Variants in EPB41L1 observed in about 807,000 individuals in gnomAD.
The protein encoded by EPB41L1 is band 4.1-like protein 1.
Under a neutral mutation model 97.8 loss-of-function variants are expected in EPB41L1, and 29 were observed. That is an observed-to-expected ratio of 0.30 (90% CI 0.22 to 0.40). The LOEUF is 0.40. Ranked by LOEUF, EPB41L1 falls within the 10% of genes least tolerant of loss-of-function variation. EPB41L1 has a pLI of 1.00. For missense variants in EPB41L1, 812 were observed against 1,162.3 expected (o/e 0.70, Z 4.38); for synonymous variants, 383 against 459.2 (o/e 0.83, Z 2.12).
rs757167798 is a variant in EPB41L1, at chr20:36,222,351, G to A, written c.2594G>A (p.Arg865Lys). Residue 865 changes from arginine to lysine, a missense_variant, in exon 21 of 22, where the codon AGA (arginine) becomes AAA (lysine). Physicochemically the swap from Arg to Lys is conservative, Grantham distance 26 (BLOSUM62 2). Coordinates refer to ENST00000338074, the MANE Select transcript of EPB41L1 (RefSeq NM_012156.2). ...DMLVTKAVVYRETDPSPEERD... is the reference protein window; with the variant it reads ...DMLVTKAVVYKETDPSPEERD... ...CTGGTAACCAAAGCTGTCGTATACAGAGAAACAGACCCATCCCCAGAGGAG... is the reference window on the plus strand; with the variant it reads ...CTGGTAACCAAAGCTGTCGTATACAAAGAAACAGACCCATCCCCAGAGGAG... 11 of 1,614,154 alleles carry A rather than the reference G, an allele frequency of 6.8e-6. No individual in the cohort carries two copies. Among genetic ancestry groups the A allele is most frequent in the Non-Finnish European group, 9.3e-6 (11 of 1,180,042 alleles).
chr20:36,151,385 T>C (rs2060043120), upstream of EPB41L1: 1 of 152,220 alleles, frequency 6.6e-6, no homozygotes, highest in Non-Finnish European at 1.5e-5. Flanking sequence ...GATTCTCCCA[T>C]TTTATAGGTG....
chr20:36,199,694 G>A (rs1228125378), intron 14 of EPB41L1, among the ~76,000 whole-genome samples: 1 of 152,220 alleles, frequency 6.6e-6, no homozygotes, highest in African/African-American at 2.4e-5. Context: ...GGGTGGCGGA[G>A]GCTGGTCTAG....
chr20:36,204,969 T>G (rs1178605817), intron 14 of EPB41L1, among the ~76,000 whole-genome samples: 1 of 152,238 alleles, frequency 6.6e-6, no homozygotes, highest in African/African-American at 2.4e-5. Context: ...CGATGATGCT[T>G]AGATCTTTAC....
chr20:36,223,892 T>C (rs1382250664), intron 21 of EPB41L1, among the ~76,000 whole-genome samples: 1 of 152,044 alleles, frequency 6.6e-6, no homozygotes, highest in Non-Finnish European at 1.5e-5. Flanking sequence ...TCTACCACAA[T>C]GAAAAAAAAT....
At chr20:36,154,242 C>CGGTGG (rs919917687), upstream of EPB41L1, among the ~76,000 whole-genome samples, 3 of 152,234 alleles carry the variant, frequency 2.0e-5, no homozygotes, top group Admixed American at 6.5e-5. This position sits in a 1 kb window ranked among gnomAD's most constrained non-coding sequence, Gnocchi z 5.5. Context: ...GATCCGGCTC[C>CGGTGG]GGTGGGATGG....
rs2062987015 is a variant in EPB41L1 at position 36,209,125 on chromosome 20, G to A, written c.1669-363G>A. 6.6e-6 allele frequency among the ~76,000 whole-genome samples: 1 copy of A among 152,230 alleles called. No individual in the cohort carries two copies. Among genetic ancestry groups the A allele is most frequent in the Middle Eastern group, 3.4e-3 (1 of 294 alleles). On this transcript the variant is annotated intron_variant, in intron 14 of 21. Transcript: ENST00000338074. This position sits in a 1 kb window ranked among gnomAD's most constrained non-coding sequence, Gnocchi z 4.2. Reference sequence around the variant, plus strand: ...GCCCACCTGCACGGATGGGCCTGGGGTCCGGGCTTCCATCCCTGCCTTTCG... The same window carrying A: ...GCCCACCTGCACGGATGGGCCTGGGATCCGGGCTTCCATCCCTGCCTTTCG...
chr20:36,131,793 C>T (rs1202939638), intron 2 of EPB41L1, among the ~76,000 whole-genome samples: 1 of 152,196 alleles, frequency 6.6e-6, no homozygotes, highest in Non-Finnish European at 1.5e-5. Context: ...GCCTCCAGTG[C>T]TCTCTTTCCC....
At chr20:36,139,850 A>G (rs1036481216) in intron 2 of EPB41L1, among the ~76,000 whole-genome samples, 3 of 151,310 alleles carry the variant, frequency 2.0e-5, no homozygotes, top group East Asian at 1.9e-4. Context: ...TCTTGCCTCA[A>G]CCTCCTGAGT....
At chr20:36,160,589 C>CAAAAA (rs1245114940) in intron 1 of EPB41L1, among the ~76,000 whole-genome samples, 1 of 113,362 alleles carries the variant, frequency 8.8e-6, no homozygotes. Flanking sequence ...GACTCCGTCA[C>CAAAAA]AAAAAAAAAA....
rs1271650233 is a variant in EPB41L1, at chr20:36,212,077, G to T, written c.2080-195G>T. 2.0e-5 allele frequency among the ~76,000 whole-genome samples: 3 copies of T among 152,236 alleles called. No homozygotes were observed. Among genetic ancestry groups the T allele is most frequent in the Admixed American group, 6.5e-5 (1 of 15,284 alleles). On this transcript the variant is annotated intron_variant, in intron 15 of 21. Transcript: ENST00000338074. The surrounding 1 kb of genome is among the most constrained non-coding windows in gnomAD (Gnocchi z 4.8). Reference sequence around the variant, plus strand: ...GCAGGCCTGCCTGGTCCTGGTGGTGGTCCTGGCTCTCCTCGCGGGCTATCT... The same window carrying T: ...GCAGGCCTGCCTGGTCCTGGTGGTGTTCCTGGCTCTCCTCGCGGGCTATCT...
In EPB41L1 at chr20:36,154,772, C is replaced by G. The variant is rs2060217264; in HGVS notation, c.-139C>G. 1 of 986,506 alleles carries G rather than the reference C, an allele frequency of 1.0e-6. No homozygotes were observed. The highest frequency in any genetic ancestry group is 1.8e-5 in the African/African-American group (1 of 57,118). The allele number at this position is 986,506 out of a possible 1,614,324, so 61.1% of individuals were successfully genotyped here. A position where few individuals can be genotyped will look rare whatever the true frequency, so the allele number is the denominator to read the frequency against. ...ATCCATCAGCGGGCGGGGGTGTCGC[C>G]GAACAGGCTGCTCCGCAGAGCCCGC... On this transcript the variant is annotated 5_prime_UTR_variant, in exon 1 of 22. Transcript: ENST00000338074. The surrounding 1 kb of genome is among the most constrained non-coding windows in gnomAD (Gnocchi z 5.5).
At chr20:36,096,441 C>A (rs948872270) in intron 1 of EPB41L1, among the ~76,000 whole-genome samples, 2 of 152,224 alleles carry the variant, frequency 1.3e-5, no homozygotes, top group Non-Finnish European at 2.9e-5. Context: ...CCTTCAGGAT[C>A]CAGTTCCTGC....
chr20:36,212,143 G>A lies in EPB41L1; in HGVS notation c.2080-129G>A. The A allele has an allele frequency of 4.6e-6, 4 of 864,312 alleles. No homozygotes were observed. The highest frequency in any genetic ancestry group is 3.8e-6 in the Non-Finnish European group (2 of 521,508). The allele number at this position is 864,312 out of a possible 1,614,324, so 53.5% of individuals were successfully genotyped here. The stretch of plus-strand genomic sequence containing the variant: ...CCACAACTCTTTTACCCTGTCCAGA[G>A]TACCCTTCCAGAGATGTGGCCAGCT... On this transcript the variant is annotated intron_variant, in intron 15 of 21. Coordinates refer to ENST00000338074, the MANE Select transcript of EPB41L1 (RefSeq NM_012156.2). The surrounding 1 kb of genome is among the most constrained non-coding windows in gnomAD (Gnocchi z 4.8).
intron 8 of EPB41L1, 74 bp downstream of exon 8, chr20:36,187,837 C>A: frequency 7.6e-7 from 1 of 1,317,210 alleles, no homozygotes; most frequent in Non-Finnish European, 1.1e-6. Flanking sequence ...TTCCCTAGGG[C>A]GTGGTGTGCC....
chr20:36,210,615 T>A (rs1305825172), intron 15 of EPB41L1, among the ~76,000 whole-genome samples: 1 of 150,964 alleles, frequency 6.6e-6, no homozygotes, highest in East Asian at 1.9e-4. Context: ...TCTGAGCAGG[T>A]TTTTTTTTCT....
intron 2 of EPB41L1, among the ~76,000 whole-genome samples, chr20:36,120,945 C>T (rs562615513): frequency 1.6e-4 from 24 of 151,936 alleles, no homozygotes; most frequent in Non-Finnish European, 3.1e-4. Context: ...GATTAATGTC[C>T]CTATAAAAGA....
intron 1 of EPB41L1, among the ~76,000 whole-genome samples, chr20:36,102,346 A>G (rs1344369932): frequency 6.6e-6 from 1 of 152,196 alleles, no homozygotes; most frequent in African/African-American, 2.4e-5. Context: ...ATACAACTTT[A>G]GAACTGCTGT....
chr20:36,207,746 G>A lies in EPB41L1; in HGVS notation c.1669-1742G>A, dbSNP rs1180908742. The stretch of plus-strand genomic sequence containing the variant: ...GAGCCCGTGTCCCCCAATTCAGGCT[G>A]TGAAACCACGCTGGCAGAAGCTACT... On this transcript the variant is annotated intron_variant, in intron 14 of 21. Coordinates refer to ENST00000338074, the MANE Select transcript of EPB41L1 (RefSeq NM_012156.2). The surrounding 1 kb of genome is among the most constrained non-coding windows in gnomAD (Gnocchi z 4.9). 1 of 1,289,818 alleles carries A rather than the reference G, an allele frequency of 7.8e-7. No homozygotes were observed. Among genetic ancestry groups the A allele is most frequent in the East Asian group, 5.6e-5 (1 of 18,018 alleles). 79.9% of individuals were successfully genotyped at this position (1,289,818 alleles called of 1,614,324 possible). A position where few individuals can be genotyped will look rare whatever the true frequency, so the allele number is the denominator to read the frequency against.
rs2064519588 is a variant in EPB41L1, at chr20:36,232,225, CCTTTTCT to C, written c.*2891_*2897del. ...TCTTGTCTGTCTTCAACCTACTTTT[CCTTTTCT>C]CTTTTTTGTTTCTCATCCTCTCTGT... On this transcript the variant is annotated 3_prime_UTR_variant, in exon 22 of 22. Coordinates refer to ENST00000338074, the MANE Select transcript of EPB41L1 (RefSeq NM_012156.2). The C allele has an allele frequency of 5.8e-6, 1 of 171,276 alleles. No individual in the cohort carries two copies. The highest frequency in any genetic ancestry group is 6.3e-5 in the Admixed American group (1 of 15,806). The allele number at this position is 171,276 out of a possible 1,614,324, so 10.6% of individuals were successfully genotyped here.
Sources: gnomAD v4.1 joint callset for allele counts (sites outside exome capture counted in the v4.1 genomes callset) on GRCh38, gnomAD v4.1.1 for gene constraint, Gnocchi (gnomAD v3.1) non-coding constraint, MANE v1.5 for transcripts, NCBI Gene and HGNC (gene_info 2026-07-23, HGNC 2026-07-21) for gene names.